The following MAPK8 variants were observed in gnomAD, a reference collection of about 807,000 sequenced individuals.
MAPK8 encodes the protein mitogen-activated protein kinase 8, also known as JUN N-terminal kinase.
In MAPK8, 13 loss-of-function variants were observed where a neutral mutation model predicts 52.9. The ratio of observed to expected loss-of-function variants is 0.25; its 90% confidence interval spans 0.16 to 0.39. The LOEUF (loss-of-function observed/expected upper bound fraction) is 0.39. Among genes scored for constraint, MAPK8 ranks in the 10% least tolerant of loss-of-function variants. The probability of loss-of-function intolerance (pLI) is 1.00; values close to 1 mark genes in which losing one functional copy is unlikely to be tolerated. For synonymous variants in MAPK8, 191 were observed against 169.8 expected, an observed-to-expected ratio of 1.12 and a Z score of -0.97; for missense variants, 300 against 519.2, an observed-to-expected ratio of 0.58 and a Z score of 4.10.
Position 48,409,887 on chromosome 10 carries a change from C to G in MAPK8, c.261C>G (p.Gly87=). ...MKCVNHKNII[G]LLNVFTPQKS... ...CTCGACTTTTATTATAGATAATTGG[C>G]CTTTTGAATGTTTTCACACCACAGA... The change falls in exon 4 of 12, where the codon GGC becomes GGG. Residue 87 remains glycine (G), a synonymous_variant. Coordinates refer to ENST00000374189, the MANE Select transcript of MAPK8 (RefSeq NM_001323329.2). The G allele has an allele frequency of 6.2e-7, 1 of 1,605,338 alleles. No homozygotes were observed. The highest frequency in any genetic ancestry group is 1.1e-5 in the South Asian group (1 of 90,106).
In MAPK8 at chr10:48,306,730, C is replaced by T. The variant is rs1250660883; in HGVS notation, c.-141C>T. 1 of 151,486 alleles carries T rather than the reference C, an allele frequency of 6.6e-6. No homozygotes were observed. The highest frequency in any genetic ancestry group is 1.5e-5 in the Non-Finnish European group (1 of 67,798). 9.4% of individuals were successfully genotyped at this position (151,486 alleles called of 1,614,324 possible). A position where few individuals can be genotyped will look rare whatever the true frequency, so the allele number is the denominator to read the frequency against. On this transcript the variant is annotated 5_prime_UTR_variant, in exon 1 of 12. Coordinates refer to ENST00000374189, the MANE Select transcript of MAPK8 (RefSeq NM_001323329.2). ...CGACGCGGCTTGGATTGCGGAGCCG[C>T]GAGCAGCGCTGGGTAACGGCCGCGG...
In MAPK8 at chr10:48,306,767, G is replaced by A. The variant is rs1158602545; in HGVS notation, c.-104G>A. 6.6e-6 allele frequency: 1 copy of A among 151,530 alleles called. No homozygotes were observed. Among genetic ancestry groups the A allele is most frequent in the Non-Finnish European group, 1.5e-5 (1 of 67,802 alleles). The allele number at this position is 151,530 out of a possible 1,614,324, so 9.4% of individuals were successfully genotyped here. On this transcript the variant is annotated 5_prime_UTR_variant, in exon 1 of 12. Coordinates refer to ENST00000374189, the MANE Select transcript of MAPK8 (RefSeq NM_001323329.2). Reference sequence around the variant, plus strand: ...GGTAACGGCCGCGGCGACCACCCCGGACGGCCCCTGTCCCCGCTGGCGGGC... The same window carrying A: ...GGTAACGGCCGCGGCGACCACCCCGAACGGCCCCTGTCCCCGCTGGCGGGC...
intron 1 of MAPK8, among the ~76,000 whole-genome samples, chr10:48,309,539 A>G (rs1841764444): frequency 6.6e-6 from 1 of 152,238 alleles, no homozygotes; most frequent in Non-Finnish European, 1.5e-5. Flanking sequence ...AATTGTATAC[A>G]AATTAATGTG....
intron 11 of MAPK8, among the ~76,000 whole-genome samples, chr10:48,434,291 C>T (rs1036890728): frequency 2.0e-5 from 3 of 152,150 alleles, no homozygotes; most frequent in Non-Finnish European, 4.4e-5. Flanking sequence ...CCCATAACCT[C>T]GTGTAAAGTG....
chr10:48,361,252 A>G (rs756457493), intron 1 of MAPK8, among the ~76,000 whole-genome samples: 4 of 152,128 alleles, frequency 2.6e-5, no homozygotes, highest in Admixed American at 6.5e-5. Context: ...CCAAATTAAC[A>G]TGTCCAAAAT....
intron 1 of MAPK8, among the ~76,000 whole-genome samples, chr10:48,317,293 G>A (rs1422255893): frequency 1.3e-5 from 2 of 152,154 alleles, no homozygotes; most frequent in African/African-American, 4.8e-5. Context: ...TCCTGTCTCA[G>A]CCTCCAGCCT....
chr10:48,420,454 G>C (rs2043289475), intron 6 of MAPK8, 134 bp downstream of exon 6: 1 of 860,060 alleles, frequency 1.2e-6, no homozygotes, highest in African/African-American at 1.7e-5. Context: ...TGTATCAAAA[G>C]TTTGCAGGTA....
chr10:48,349,443 AT>A (rs1846093693), intron 1 of MAPK8, among the ~76,000 whole-genome samples: 1 of 152,234 alleles, frequency 6.6e-6, no homozygotes, highest in Non-Finnish European at 1.5e-5. Flanking sequence ...GTGCAAACAA[AT>A]TAGAACTCAG....
At chr10:48,340,201 C>T (rs190567811) in intron 1 of MAPK8, among the ~76,000 whole-genome samples, 84 of 152,264 alleles carry the variant, frequency 5.5e-4, no homozygotes, top group African/African-American at 2.0e-3. Context: ...ACATATGCAC[C>T]ATGGATACTA....
At chr10:48,398,292 AG>A (rs2132934484) in intron 1 of MAPK8, among the ~76,000 whole-genome samples, 1 of 152,362 alleles carries the variant, frequency 6.6e-6, no homozygotes, top group East Asian at 1.9e-4. Flanking sequence ...TTTTTACAAT[AG>A]GGAAAAGAAC....
chr10:48,331,343 A>T (rs993621113), intron 1 of MAPK8, among the ~76,000 whole-genome samples: 1 of 152,164 alleles, frequency 6.6e-6, no homozygotes, highest in Non-Finnish European at 1.5e-5. Context: ...GTCCCCTGCC[A>T]GTTTCCATTT....
intron 1 of MAPK8, among the ~76,000 whole-genome samples, chr10:48,319,119 C>G (rs983564981): frequency 6.6e-6 from 1 of 151,944 alleles, no homozygotes; most frequent in African/African-American, 2.4e-5. Context: ...TACTCATGAC[C>G]CATTAGTAGG....
intron 1 of MAPK8, among the ~76,000 whole-genome samples, chr10:48,310,296 C>T (rs1176356713): frequency 6.6e-6 from 1 of 152,070 alleles, no homozygotes; most frequent in African/African-American, 2.4e-5. Flanking sequence ...AGAAAACATA[C>T]TAGGACAAAA....
chr10:48,355,988 C>G (rs1362347122), intron 1 of MAPK8, among the ~76,000 whole-genome samples: 2 of 152,082 alleles, frequency 1.3e-5, no homozygotes, highest in Non-Finnish European at 2.9e-5. Flanking sequence ...CAGGGAAATT[C>G]ATACGTTTCT....
chr10:48,322,691 T>C (rs1192787260), intron 1 of MAPK8, among the ~76,000 whole-genome samples: 3 of 152,154 alleles, frequency 2.0e-5, no homozygotes, highest in Non-Finnish European at 2.9e-5. Context: ...TCTCTAGTCA[T>C]GTAAATCTAT....
chr10:48,382,787 A>G (rs1453717065), intron 1 of MAPK8, among the ~76,000 whole-genome samples: 2 of 147,146 alleles, frequency 1.4e-5, no homozygotes, highest in African/African-American at 4.9e-5. Flanking sequence ...ATATCTTTAT[A>G]TATACTTATA....
rs1160433058 is a variant in MAPK8 at position 48,436,703 on chromosome 10, T to C, written c.*1674T>C. 6.6e-6 allele frequency: 1 copy of C among 152,248 alleles called. No individual in the cohort carries two copies. The highest frequency in any genetic ancestry group is 1.5e-5 in the Non-Finnish European group (1 of 68,036). 9.4% of individuals were successfully genotyped at this position (152,248 alleles called of 1,614,324 possible). A position where few individuals can be genotyped will look rare whatever the true frequency, so the allele number is the denominator to read the frequency against. ...TACATCACTGTTAATGTGCAATATT[T>C]AAGATTAAAATACATTAGCTTTTTT... is the stretch of plus-strand genomic sequence containing the variant. On this transcript the variant is annotated 3_prime_UTR_variant, in exon 12 of 12. Transcript: ENST00000374189.
At position 48,401,704 on chromosome 10, in the gene MAPK8, T is replaced by C; in HGVS notation, c.44T>C (p.Ile15Thr). 8 of 1,604,008 alleles carry C rather than the reference T, an allele frequency of 5.0e-6. No homozygotes were observed. The highest frequency in any genetic ancestry group is 6.8e-6 in the Non-Finnish European group (8 of 1,175,736). ...KRDNNFYSVE[I>T]GDSTFTVLKR... The stretch of plus-strand genomic sequence containing the variant: ...GACAACAATTTTTATAGTGTAGAGA[T>C]TGGAGATTCTACATTCACAGTCCTG... The change falls in exon 2 of 12, where the codon ATT becomes ACT. Residue 15 changes from isoleucine (I) to threonine (T), a missense_variant. This residue lies in a region of MAPK8 where 34 missense variants were observed against 36.7 expected (regional missense o/e 0.93). Coordinates refer to ENST00000374189, the MANE Select transcript of MAPK8 (RefSeq NM_001323329.2).
At chr10:48,342,246 G>A (rs570018360) in intron 1 of MAPK8, among the ~76,000 whole-genome samples, 1 of 152,188 alleles carries the variant, frequency 6.6e-6, no homozygotes, top group East Asian at 1.9e-4. Flanking sequence ...TGGGACTACA[G>A]GCACACACCA....
Sources: allele counts gnomAD v4.1 joint callset (sites outside exome capture counted in the v4.1 genomes callset), GRCh38; gene constraint gnomAD v4.1.1; regional missense constraint gnomAD v4.1.1; transcripts MANE v1.5; gene names NCBI Gene and HGNC (gene_info 2026-07-23, HGNC 2026-07-21).